GNAZ: variants seen among roughly 807,000 people sequenced by gnomAD.
The protein encoded by GNAZ is G protein subunit alpha z, also known as guanine nucleotide-binding protein G(z) subunit alpha.
In GNAZ, 3 loss-of-function variants were observed where a neutral mutation model predicts 25.4. That is an observed-to-expected ratio of 0.12 (90% CI 0.05 to 0.30). GNAZ has a LOEUF of 0.30. GNAZ is among the 10% of genes least tolerant of loss of function. GNAZ has a pLI of 1.00. For missense variants in GNAZ, 241 were observed against 501.8 expected (o/e 0.48, Z 4.97); for synonymous variants, 211 against 205.7 (o/e 1.03, Z -0.22).
intron 2 of GNAZ, among the ~76,000 whole-genome samples, chr22:23,106,797 G>A (rs1015730053): frequency 3.3e-5 from 5 of 152,236 alleles, no homozygotes; most frequent in African/African-American, 7.2e-5. Flanking sequence ...GAGGAAACTC[G>A]GGTTTCAGGA....
rs896680228 is a variant in GNAZ, at chr22:23,095,560, C to T, written c.-136C>T. 4.2e-6 allele frequency: 4 copies of T among 941,966 alleles called. No homozygotes were observed. Among genetic ancestry groups the T allele is most frequent in the African/African-American group, 3.3e-5 (2 of 60,284 alleles). The allele number at this position is 941,966 out of a possible 1,614,324, so 58.4% of individuals were successfully genotyped here. On this transcript the variant is annotated 5_prime_UTR_variant, in exon 2 of 3. Transcript: ENST00000615612. ...CTGGGGCAGGGGCTGCAGTGTGGCT[C>T]GGCCTCACCCCCCTGCTGGCACTGA...
In GNAZ at chr22:23,095,681, C is replaced by A; in HGVS notation, c.-15C>A. On this transcript the variant is annotated 5_prime_UTR_variant, in exon 2 of 3. Transcript: ENST00000615612. The stretch of plus-strand genomic sequence containing the variant: ...CCATCCCGTGCTCCTTGTCTGGGCC[C>A]GCTGCTGCCAGACCATGGGATGTCG... 1 of 1,590,464 alleles carries A rather than the reference C, an allele frequency of 6.3e-7. No individual in the cohort carries two copies. The highest frequency in any genetic ancestry group is 8.6e-7 in the Non-Finnish European group (1 of 1,169,174).
intron 1 of GNAZ, among the ~76,000 whole-genome samples, chr22:23,078,432 G>T (rs1465829498): frequency 6.6e-6 from 1 of 152,160 alleles, no homozygotes; most frequent in African/African-American, 2.4e-5. Flanking sequence ...GGCTGCCCTT[G>T]TCCCCCCAAC....
intron 1 of GNAZ, among the ~76,000 whole-genome samples, chr22:23,094,791 C>T (rs180734963): frequency 7.4e-4 from 113 of 152,320 alleles, no homozygotes; most frequent in African/African-American, 2.5e-3. Context: ...CCAGCTCCTG[C>T]GGGGGTAATG....
chr22:23,080,847 C>T (rs932480838), intron 1 of GNAZ, among the ~76,000 whole-genome samples: 1 of 152,234 alleles, frequency 6.6e-6, no homozygotes, highest in African/African-American at 2.4e-5. Flanking sequence ...TTACCTCTGT[C>T]ATCAGCACTC....
intron 1 of GNAZ, among the ~76,000 whole-genome samples, chr22:23,089,725 C>G (rs180941821): frequency 1.4e-3 from 212 of 152,260 alleles, no homozygotes; most frequent in African/African-American, 4.9e-3. Context: ...CATGTGTGGG[C>G]TGAAGGATCT....
intron 1 of GNAZ, among the ~76,000 whole-genome samples, chr22:23,086,123 T>G (rs1374481358): frequency 1.3e-5 from 2 of 152,168 alleles, no homozygotes; most frequent in East Asian, 3.8e-4. Context: ...GACTATGAAG[T>G]CATTATGAAG....
chr22:23,096,568 G>A, intron 2 of GNAZ, 150 bp downstream of exon 2: 1 of 807,000 alleles, frequency 1.2e-6, no homozygotes, highest in Non-Finnish European at 2.0e-6. Context: ...GGCAGCTCCA[G>A]CAAGGTGGGG....
intron 2 of GNAZ, among the ~76,000 whole-genome samples, chr22:23,116,037 C>T (rs562982733): frequency 6.6e-6 from 1 of 152,378 alleles, no homozygotes; most frequent in East Asian, 1.9e-4. Context: ...GCTGGGGTCC[C>T]ACAGCAAACA....
chr22:23,091,133 G>A (rs2068959798), intron 1 of GNAZ, among the ~76,000 whole-genome samples: 1 of 152,190 alleles, frequency 6.6e-6, no homozygotes, highest in Non-Finnish European at 1.5e-5. Context: ...CATGCAGACA[G>A]AGGCATGGAC....
At chr22:23,072,733 A>C (rs2068410557) in intron 1 of GNAZ, among the ~76,000 whole-genome samples, 1 of 152,222 alleles carries the variant, frequency 6.6e-6, no homozygotes, top group Non-Finnish European at 1.5e-5. Context: ...GGGACCTGGC[A>C]TGTGACTGTG....
chr22:23,074,156 G>A (rs2068448808), intron 1 of GNAZ, among the ~76,000 whole-genome samples: 1 of 152,302 alleles, frequency 6.6e-6, no homozygotes, highest in Middle Eastern at 3.4e-3. Context: ...CAGGGTTGGA[G>A]CAGAGAAGAG....
At chr22:23,081,994 G>A (rs1370485304) in intron 1 of GNAZ, among the ~76,000 whole-genome samples, 5 of 150,618 alleles carry the variant, frequency 3.3e-5, no homozygotes, top group South Asian at 4.2e-4. Flanking sequence ...GTGTGGTGGC[G>A]GGCACCTGTA....
chr22:23,087,906 A>G (rs532039056), intron 1 of GNAZ, among the ~76,000 whole-genome samples: 9 of 152,356 alleles, frequency 5.9e-5, no homozygotes, highest in East Asian at 3.9e-4. Context: ...CTTCAGCTGC[A>G]TGACTCCTAA....
chr22:23,107,111 T>C (rs1356644803), intron 2 of GNAZ, among the ~76,000 whole-genome samples: 2 of 152,252 alleles, frequency 1.3e-5, no homozygotes, highest in African/African-American at 2.4e-5. Context: ...TTATCTTGTT[T>C]AAACAGCCCT....
intron 1 of GNAZ, among the ~76,000 whole-genome samples, chr22:23,074,095 G>A (rs2068447208): frequency 6.6e-6 from 1 of 152,150 alleles, no homozygotes; most frequent in African/African-American, 2.4e-5. Context: ...GGGGTGTCAG[G>A]GCCAGGTCCT....
At chr22:23,075,471 G>T (rs1362855277) in intron 1 of GNAZ, among the ~76,000 whole-genome samples, 1 of 152,164 alleles carries the variant, frequency 6.6e-6, no homozygotes. Flanking sequence ...GGACCTACAT[G>T]GCCACAGCTT....
chr22:23,108,312 G>A (rs751101494), intron 2 of GNAZ, among the ~76,000 whole-genome samples: 12 of 152,240 alleles, frequency 7.9e-5, no homozygotes, highest in Non-Finnish European at 1.3e-4. Flanking sequence ...TGAGAACAGG[G>A]GCCAATGGTG....
In GNAZ at chr22:23,124,206, GTTTTTTGGTTTTT is replaced by G. The variant is rs1239247846; in HGVS notation, c.*782_*794del. On this transcript the variant is annotated 3_prime_UTR_variant, in exon 3 of 3. Transcript: ENST00000615612. ...TTCTCTGACATTTTTTTTTTGTTTT[GTTTTTTGGTTTTT>G]TTTTTTTTTTGGCCAAATCTCGTGG... is the stretch of plus-strand genomic sequence containing the variant. The G allele has an allele frequency of 6.9e-5, 11 of 160,488 alleles. No homozygotes were observed. Among genetic ancestry groups the G allele is most frequent in the African/African-American group, 3.7e-4 (11 of 29,670 alleles). The allele number at this position is 160,488 out of a possible 1,614,324, so 9.9% of individuals were successfully genotyped here.
Sources: gnomAD v4.1 joint callset for allele counts (sites outside exome capture counted in the v4.1 genomes callset) on GRCh38, gnomAD v4.1.1 for gene constraint, MANE v1.5 for transcripts, NCBI Gene and HGNC (gene_info 2026-07-23, HGNC 2026-07-21) for gene names.